ANKRD17: variants seen among roughly 807,000 people sequenced by gnomAD.
The protein encoded by ANKRD17 is ankyrin repeat domain 17.
ANKRD17 carries 19 observed loss-of-function variants against 229.7 expected under a neutral mutation model. The ratio of observed to expected loss-of-function variants is 0.08; its 90% confidence interval spans 0.06 to 0.12. The LOEUF is 0.12. Among genes scored for constraint, ANKRD17 ranks in the 10% least tolerant of loss-of-function variants. The probability of loss-of-function intolerance (pLI) is 1.00; values close to 1 mark genes in which losing one functional copy is unlikely to be tolerated. For missense variants in ANKRD17, 2,176 were observed against 3,176.8 expected (o/e 0.68, Z 7.57); for synonymous variants, 1,112 against 1,146.1 (o/e 0.97, Z 0.60).
intron 26 of ANKRD17, 58 bp from the exon 27 acceptor site, chr4:73,097,330 G>T: frequency 7.1e-7 from 1 of 1,417,278 alleles, no homozygotes; most frequent in Non-Finnish European, 9.4e-7. Context: ...ATTTTTAAAT[G>T]ATAAAGGTAG....
At chr4:73,145,872 T>G (rs1476737181) in intron 10 of ANKRD17, among the ~76,000 whole-genome samples, 1 of 152,162 alleles carries the variant, frequency 6.6e-6, no homozygotes, top group East Asian at 1.9e-4. Context: ...AATTATAAAT[T>G]ATTAAGTTTA....
chr4:73,250,958 C>G (rs1744968286), intron 1 of ANKRD17, among the ~76,000 whole-genome samples: 1 of 152,026 alleles, frequency 6.6e-6, no homozygotes, highest in Non-Finnish European at 1.5e-5. Context: ...TCTAGTCTCA[C>G]TCAGAAGTAA....
In ANKRD17 at chr4:73,240,806, C is replaced by CTT. The variant is rs111961579; in HGVS notation, c.393+17468_393+17469dup. 8.7e-4 allele frequency among the ~76,000 whole-genome samples: 110 copies of CTT among 127,028 alleles called. 1 individual carries two copies. The highest frequency in any genetic ancestry group is 2.1e-3 in the African/African-American group (69 of 32,660). The allele number at this position is 127,028 out of a possible 152,430, so 83.3% of individuals were successfully genotyped here. A position where few individuals can be genotyped will look rare whatever the true frequency, so the allele number is the denominator to read the frequency against. ...AGCTTATATAAATTCAGTACTTATT[C>CTT]TTTTTTTTTTTTTTTTTTTTGGAGA... On this transcript the variant is annotated intron_variant, in intron 1 of 33. Transcript: ENST00000358602.
Position 73,074,882 on chromosome 4 carries a change from A to G in ANKRD17, c.*1349T>C, listed in dbSNP as rs567545122. The G allele has an allele frequency of 2.0e-5, 3 of 152,616 alleles. No homozygotes were observed. The highest frequency in any genetic ancestry group is 4.4e-5 in the Non-Finnish European group (3 of 67,896). 9.5% of individuals were successfully genotyped at this position (152,616 alleles called of 1,614,324 possible). On this transcript the variant is annotated 3_prime_UTR_variant, in exon 34 of 34. Coordinates refer to ENST00000358602, the MANE Select transcript of ANKRD17 (RefSeq NM_032217.5). The stretch of plus-strand genomic sequence containing the variant: ...GGTAGGACACATAATCTTCTTGGAT[A>G]CATTACTGTTTATTGTTTCAAGTGG...
At chr4:73,124,874 CAG>C in intron 18 of ANKRD17, 37 bp downstream of exon 18, 1 of 1,597,164 alleles carries the variant, frequency 6.3e-7, no homozygotes, top group Non-Finnish European at 8.5e-7. Context: ...ATTTGCTAAA[CAG>C]AGAAAGGAAA....
rs183093183 is a variant in ANKRD17 at position 73,152,322 on chromosome 4, T to C, written c.1235-798A>G. ...CAAAATTTACTTCCATAAGTAAGTG[T>C]AGTATCTGCCGCGTCTTATATTTGT... On this transcript the variant is annotated intron_variant, in intron 6 of 33. Coordinates refer to ENST00000358602, the MANE Select transcript of ANKRD17 (RefSeq NM_032217.5). 4.2e-3 allele frequency among the ~76,000 whole-genome samples: 646 copies of C among 152,224 alleles called. 1 individual carries two copies. Among genetic ancestry groups the C allele is most frequent in the Non-Finnish European group, 6.6e-3 (449 of 68,022 alleles).
chr4:73,124,906 A>G lies in ANKRD17; in HGVS notation c.3492+7T>C, dbSNP rs35889350. On this transcript the variant is annotated splice_region_variant and intron_variant, in intron 18 of 33. Transcript: ENST00000358602. ...AGGAAAACAATTACACTAAGGGGAAACATTACCTCCTGTCTTCCCCCAGAA... is the reference window on the plus strand; with the variant it reads ...AGGAAAACAATTACACTAAGGGGAAGCATTACCTCCTGTCTTCCCCCAGAA... 0.025 allele frequency: 39,583 copies of G among 1,613,166 alleles called. 562 individuals carry two copies. The highest frequency in any genetic ancestry group is 0.037 in the Middle Eastern group (225 of 6,056).
intron 15 of ANKRD17, among the ~76,000 whole-genome samples, chr4:73,137,879 T>C (rs1232341584): frequency 6.6e-6 from 1 of 152,200 alleles, no homozygotes; most frequent in Non-Finnish European, 1.5e-5. Context: ...TACAAACTTC[T>C]GATAATTCTG....
intron 11 of ANKRD17, among the ~76,000 whole-genome samples, chr4:73,143,834 G>A (rs1729906586): frequency 6.6e-6 from 1 of 152,034 alleles, no homozygotes; most frequent in African/African-American, 2.4e-5. Flanking sequence ...TTGAACTCCT[G>A]AGCCCAAGTG....
chr4:73,150,350 G>C (rs748298140), intron 7 of ANKRD17, among the ~76,000 whole-genome samples: 4 of 152,036 alleles, frequency 2.6e-5, no homozygotes, highest in Non-Finnish European at 5.9e-5. Context: ...TCTACACACA[G>C]GCCATTTCCT....
At chr4:73,229,188 C>T (rs1288793405) in intron 1 of ANKRD17, among the ~76,000 whole-genome samples, 3 of 152,112 alleles carry the variant, frequency 2.0e-5, no homozygotes, top group South Asian at 2.1e-4. Flanking sequence ...ATGTAAATGA[C>T]GAGTTAATGG....
chr4:73,236,656 T>C (rs1040360553), intron 1 of ANKRD17, among the ~76,000 whole-genome samples: 4 of 151,248 alleles, frequency 2.6e-5, no homozygotes, highest in African/African-American at 7.3e-5. Context: ...TGATCCTGAC[T>C]GGGAAAAAAA....
In ANKRD17 at chr4:73,078,363, C is replaced by T. The variant is rs570569752; in HGVS notation, c.7408+279G>A. Among the ~76,000 whole-genome samples, 13 of 150,646 alleles carry T rather than the reference C, an allele frequency of 8.6e-5. No individual in the cohort carries two copies. In the South Asian group the frequency reaches 2.1e-3, roughly 24 times the overall value. ...CTGCAGTCCGGCCTGGGTTACAGAG[C>T]GAGACTCCGTCTCAAAAAAAAAAAA... On this transcript the variant is annotated intron_variant, in intron 31 of 33. Transcript: ENST00000358602.
intron 29 of ANKRD17, among the ~76,000 whole-genome samples, chr4:73,086,373 C>T (rs1437892742): frequency 6.6e-6 from 1 of 151,926 alleles, no homozygotes; most frequent in Non-Finnish European, 1.5e-5. Context: ...TTTTAGATAA[C>T]ATTTTTTTTT....
rs370871144 is a variant in ANKRD17 at position 73,257,430 on chromosome 4, C to T, written c.393+846G>A. ...AAACCGAGAGGCCTTCCTATTCCAA[C>T]TCACCACAACCAGGCCTGGCTCCAA... On this transcript the variant is annotated intron_variant, in intron 1 of 33. Coordinates refer to ENST00000358602, the MANE Select transcript of ANKRD17 (RefSeq NM_032217.5). Among the ~76,000 whole-genome samples the T allele has an allele frequency of 1.8e-3, 276 of 152,326 alleles. 4 individuals are homozygous for T. The South Asian group carries it at 0.024, about 13-fold the overall frequency.
At chr4:73,130,488 A>G (rs1728054826) in intron 16 of ANKRD17, among the ~76,000 whole-genome samples, 2 of 152,150 alleles carry the variant, frequency 1.3e-5, no homozygotes, top group Non-Finnish European at 2.9e-5. Context: ...ATATAATTTT[A>G]CATACTTAAC....
intron 27 of ANKRD17, among the ~76,000 whole-genome samples, chr4:73,096,699 C>A (rs1320694797): frequency 1.3e-5 from 2 of 152,088 alleles, no homozygotes; most frequent in Non-Finnish European, 2.9e-5. Context: ...AAATCCCATG[C>A]AAAACAAAAT....
At chr4:73,230,898 G>T (rs1188862644) in intron 1 of ANKRD17, among the ~76,000 whole-genome samples, 2 of 151,996 alleles carry the variant, frequency 1.3e-5, no homozygotes, top group African/African-American at 2.4e-5. Context: ...TTCACAATAG[G>T]TTCTATGTAC....
intron 7 of ANKRD17, among the ~76,000 whole-genome samples, chr4:73,149,621 C>T (rs1730735145): frequency 1.3e-5 from 2 of 151,982 alleles, no homozygotes. Context: ...AATCTCAGGA[C>T]TTTGGGTGGC....
Sources: allele counts gnomAD v4.1 joint callset (sites outside exome capture counted in the v4.1 genomes callset), GRCh38; gene constraint gnomAD v4.1.1; transcripts MANE v1.5; gene names NCBI Gene and HGNC (gene_info 2026-07-23, HGNC 2026-07-21).